PCDH11X: variants seen among roughly 807,000 people sequenced by gnomAD.
The protein encoded by PCDH11X is protocadherin 11 X-linked.
In PCDH11X, 18 loss-of-function variants were observed where a neutral mutation model predicts 53.3. That is an observed-to-expected ratio of 0.34 (90% CI 0.23 to 0.50). PCDH11X has a LOEUF of 0.50. Ranked by LOEUF, PCDH11X falls within the 20% of genes least tolerant of loss-of-function variation. The pLI is 0.98. For missense variants in PCDH11X, 570 were observed against 1,032.4 expected (o/e 0.55, Z 6.14); for synonymous variants, 279 against 393.3 (o/e 0.71, Z 3.44).
At chrX:92,345,408 G>A (rs1458235020) in intron 8 of PCDH11X, among the ~76,000 whole-genome samples, 3 of 108,933 alleles carry the variant, frequency 2.8e-5, no homozygotes, top group Non-Finnish European at 3.8e-5. Context: ...TAAATTTGGA[G>A]GGATTACAAA....
intron 6 of PCDH11X, among the ~76,000 whole-genome samples, chrX:92,001,530 G>A (rs1472546583): frequency 1.9e-5 from 2 of 103,415 alleles, no homozygotes; most frequent in Admixed American, 1.1e-4. Flanking sequence ...GTGCAATGGC[G>A]TGCTCTCGGC....
chrX:92,082,674 T>C (rs888069275), intron 6 of PCDH11X, among the ~76,000 whole-genome samples: 3 of 110,114 alleles, frequency 2.7e-5, no homozygotes, highest in African/African-American at 9.9e-5. Flanking sequence ...TATGTATTCT[T>C]ATTTAAAACT....
intron 8 of PCDH11X, among the ~76,000 whole-genome samples, chrX:92,340,628 A>AAAGC (rs2069732970): frequency 8.9e-6 from 1 of 111,967 alleles, no homozygotes; most frequent in Non-Finnish European, 1.9e-5. Flanking sequence ...GACTGGAAAC[A>AAAGC]AAGCAACTGG....
At chrX:92,498,757 A>T (rs1292915692) in intron 10 of PCDH11X, among the ~76,000 whole-genome samples, 1 of 107,438 alleles carries the variant, frequency 9.3e-6, no homozygotes, top group Non-Finnish European at 1.9e-5. Flanking sequence ...TTTAAAAGCA[A>T]AGATCACACT....
At chrX:92,191,655 G>A (rs2066195424) in intron 6 of PCDH11X, among the ~76,000 whole-genome samples, 1 of 112,038 alleles carries the variant, frequency 8.9e-6, no homozygotes, top group Non-Finnish European at 1.9e-5. Flanking sequence ...GGTTTGGCAG[G>A]CAATGCTAAT....
At chrX:92,476,123 T>A (rs956561554) in intron 10 of PCDH11X, among the ~76,000 whole-genome samples, 2 of 110,595 alleles carry the variant, frequency 1.8e-5, no homozygotes, top group African/African-American at 6.6e-5. Flanking sequence ...TCTCATGAGA[T>A]CTGATGGTTT....
chrX:91,892,656 T>C (rs1185560331), intron 6 of PCDH11X, among the ~76,000 whole-genome samples: 1 of 110,625 alleles, frequency 9.0e-6, no homozygotes, highest in East Asian at 2.8e-4. Flanking sequence ...AAAAATAAAC[T>C]GCAATTGGCG....
intron 6 of PCDH11X, among the ~76,000 whole-genome samples, chrX:91,989,704 A>G (rs769036595): frequency 4.9e-4 from 54 of 111,319 alleles, no homozygotes; most frequent in African/African-American, 1.7e-3. Flanking sequence ...TAATCAATTT[A>G]TGAAATTTTG....
At chrX:92,024,718 C>CAAAAAAAAA (rs199917287) in intron 6 of PCDH11X, among the ~76,000 whole-genome samples, 53 of 54,656 alleles carry the variant, frequency 9.7e-4, no homozygotes, top group African/African-American at 1.1e-3. Context: ...CAATCCTAAG[C>CAAAAAAAAA]AAAAAAAAAA....
At chrX:92,139,309 C>T (rs1233771952) in intron 6 of PCDH11X, among the ~76,000 whole-genome samples, 4 of 76,946 alleles carry the variant, frequency 5.2e-5, no homozygotes, top group Admixed American at 2.0e-4. Context: ...GAGTCTTGCT[C>T]TTGTCGCCCA....
intron 10 of PCDH11X, among the ~76,000 whole-genome samples, chrX:92,475,042 G>A (rs1355985019): frequency 9.8e-6 from 1 of 101,837 alleles, no homozygotes; most frequent in Non-Finnish European, 2.0e-5. Flanking sequence ...GCGGGCGCCT[G>A]TAGTCCCAGC....
intron 6 of PCDH11X, among the ~76,000 whole-genome samples, chrX:92,105,046 A>G (rs1291206355): frequency 9.7e-6 from 1 of 102,686 alleles, no homozygotes; most frequent in African/African-American, 3.5e-5. Context: ...TTGAAACGTG[A>G]GTGTATAATC....
chrX:92,155,790 C>T (rs1207594916), intron 6 of PCDH11X, among the ~76,000 whole-genome samples: 1 of 109,429 alleles, frequency 9.1e-6, no homozygotes, highest in African/African-American at 3.3e-5. Flanking sequence ...CCGCGCCCGG[C>T]TAATTTTTTT....
At chrX:91,957,865 G>A (rs1422184221) in intron 6 of PCDH11X, among the ~76,000 whole-genome samples, 2 of 108,647 alleles carry the variant, frequency 1.8e-5, no homozygotes, top group Non-Finnish European at 3.8e-5. Context: ...GTAGGCTGAA[G>A]GAGCTGAGTT....
chrX:91,934,859 C>A (rs777484213), intron 6 of PCDH11X, among the ~76,000 whole-genome samples: 2 of 103,991 alleles, frequency 1.9e-5, no homozygotes, highest in South Asian at 4.6e-4. Context: ...TGAGTTTTGT[C>A]TTTTCCTGCC....
rs189178577 is a variant in PCDH11X, at chrX:92,293,609, C to A, written c.3144+30466C>A. ...CTGCACTCCAGCCTGGGCGACAGAGCGAGACTCCGTCTCAAAAAAAAAAAA... is the reference window on the plus strand; with the variant it reads ...CTGCACTCCAGCCTGGGCGACAGAGAGAGACTCCGTCTCAAAAAAAAAAAA... On this transcript the variant is annotated intron_variant, in intron 8 of 10. Coordinates refer to ENST00000682573, the MANE Select transcript of PCDH11X (RefSeq NM_032968.5). Among the ~76,000 whole-genome samples the A allele has an allele frequency of 5.3e-4, 49 of 93,189 alleles. No homozygotes were observed. The Middle Eastern group carries it at 0.021, about 39-fold the overall frequency. 80.9% of individuals were successfully genotyped at this position (93,189 alleles called of 115,157 possible).
intron 6 of PCDH11X, among the ~76,000 whole-genome samples, chrX:91,918,395 T>C (rs1941639959): frequency 9.2e-6 from 1 of 108,315 alleles, no homozygotes; most frequent in Admixed American, 1.0e-4. Context: ...GAATGCCACA[T>C]ATTATTAATT....
intron 8 of PCDH11X, among the ~76,000 whole-genome samples, chrX:92,350,692 T>C (rs971120000): frequency 9.9e-5 from 11 of 111,640 alleles, no homozygotes; most frequent in African/African-American, 3.6e-4. Flanking sequence ...AAGTAGTTCT[T>C]GGAGCAAAAG....
At chrX:92,474,067 A>G (rs2073325465) in intron 10 of PCDH11X, among the ~76,000 whole-genome samples, 2 of 110,921 alleles carry the variant, frequency 1.8e-5, no homozygotes, top group Non-Finnish European at 3.8e-5. Context: ...GTCTCCACCT[A>G]TTACTGTATT....
Sources: allele counts gnomAD v4.1 joint callset (sites outside exome capture counted in the v4.1 genomes callset), GRCh38; gene constraint gnomAD v4.1.1; transcripts MANE v1.5; gene names NCBI Gene and HGNC (gene_info 2026-07-23, HGNC 2026-07-21).